The following DNMT1 variants were observed in gnomAD, a reference collection of about 807,000 sequenced individuals.
DNMT1 encodes the protein DNA methyltransferase 1, also known as DNA (cytosine-5)-methyltransferase 1.
In DNMT1, 24 loss-of-function variants were observed where a neutral mutation model predicts 205.3. The observed-to-expected ratio is 0.12, with a 90% CI of 0.08 to 0.16. The LOEUF (loss-of-function observed/expected upper bound fraction) is 0.16. Ranked by LOEUF, DNMT1 falls within the 10% of genes least tolerant of loss-of-function variation. The pLI is 1.00. For synonymous variants in DNMT1, 817 were observed against 839.8 expected (o/e 0.97, Z 0.47); for missense variants, 1,293 against 2,177.7 (o/e 0.59, Z 8.09).
At position 10,168,465 on chromosome 19, in the gene DNMT1, G is replaced by A. The variant is rs187326664; in HGVS notation, c.769-101C>T. 7.0e-5 allele frequency: 86 copies of A among 1,232,912 alleles called. 1 individual carries two copies. The East Asian group carries it at 1.9e-3, about 28-fold the overall frequency. 76.4% of individuals were successfully genotyped at this position (1,232,912 alleles called of 1,614,324 possible). On this transcript the variant is annotated intron_variant, in intron 9 of 40. Transcript: ENST00000359526. ...ATAAAACACCTGAACTGATTCTAGA[G>A]TCCACTGGTGGGAGTAAAGACTGTC... is the stretch of plus-strand genomic sequence containing the variant.
chr19:10,133,672 C>A lies in DNMT1; in HGVS notation c.4894G>T (p.Asp1632Tyr). ...GGGGTGACGGGAGGGCAGAACTAGT[C>A]CTTAGCAGCTTCCTCCTCCTTTATT... ...AKIKEEEAAK[D>Y] Residue 1632 changes from aspartate (D) to tyrosine (Y), a missense_variant, in exon 41 of 41, where the codon GAC becomes TAC. By Grantham distance (160) the Asp-to-Tyr change is radical. This residue lies in a region of DNMT1 where 37 missense variants were observed against 36.3 expected (regional missense o/e 1.02). Coordinates refer to ENST00000359526, the MANE Select transcript of DNMT1 (RefSeq NM_001130823.3). This position sits in a 1 kb window ranked among gnomAD's most constrained non-coding sequence, Gnocchi z 4.1. 1 of 1,599,478 alleles carries A rather than the reference C, an allele frequency of 6.3e-7. No homozygotes were observed. Among genetic ancestry groups the A allele is most frequent in the African/African-American group, 1.3e-5 (1 of 74,666 alleles).
chr19:10,155,142 C>T (rs1322232065), intron 19 of DNMT1, 86 bp from the exon 20 acceptor site: 4 of 1,561,906 alleles, frequency 2.6e-6, no homozygotes, highest in Non-Finnish European at 3.5e-6. Flanking sequence ...GTCTACCAAA[C>T]TCACCCAACA....
At chr19:10,150,964 G>A (rs2038330123) in intron 24 of DNMT1, among the ~76,000 whole-genome samples, 1 of 152,196 alleles carries the variant, frequency 6.6e-6, no homozygotes, top group Non-Finnish European at 1.5e-5. Flanking sequence ...GCATGGTGGT[G>A]CACGCCTGTA....
At position 10,159,190 on chromosome 19, in the gene DNMT1, G is replaced by A. The variant is rs2038516598; in HGVS notation, c.1280+468C>T. On this transcript the variant is annotated intron_variant, in intron 17 of 40. Coordinates refer to ENST00000359526, the MANE Select transcript of DNMT1 (RefSeq NM_001130823.3). This position sits in a 1 kb window ranked among gnomAD's most constrained non-coding sequence, Gnocchi z 5.0. ...AACCCAAAAACCAAACCAAAAATCA[G>A]CAAAGCTCTATTGTCCCTTCATCAG... Among the ~76,000 whole-genome samples, 1 of 152,136 alleles carries A rather than the reference G, an allele frequency of 6.6e-6. No homozygotes were observed. Among genetic ancestry groups the A allele is most frequent in the Non-Finnish European group, 1.5e-5 (1 of 68,028 alleles).
Position 10,154,214 on chromosome 19 carries a change from A to G in DNMT1, c.2019+79T>C. 2.1e-6 allele frequency: 3 copies of G among 1,441,252 alleles called. No individual in the cohort carries two copies. Among genetic ancestry groups the G allele is most frequent in the Non-Finnish European group, 2.9e-6 (3 of 1,025,014 alleles). 89.3% of individuals were successfully genotyped at this position (1,441,252 alleles called of 1,614,324 possible). ...GCAGCCAGAGTCTCAAGCCACAGAG[A>G]GAAAGATGGAGCAGTCCTCAGATCA... On this transcript the variant is annotated intron_variant, in intron 22 of 40. Coordinates refer to ENST00000359526, the MANE Select transcript of DNMT1 (RefSeq NM_001130823.3). This position sits in a 1 kb window ranked among gnomAD's most constrained non-coding sequence, Gnocchi z 6.3.
chr19:10,194,701 A>AC, intron 1 of DNMT1, 119 bp downstream of exon 1: 2 of 1,343,088 alleles, frequency 1.5e-6, no homozygotes, highest in Non-Finnish European at 2.0e-6. Context: ...GCGCCGCACC[A>AC]CCCCACGCAT....
chr19:10,182,529 A>G (rs967842210), intron 1 of DNMT1, among the ~76,000 whole-genome samples: 10 of 146,122 alleles, frequency 6.8e-5, no homozygotes, highest in Admixed American at 3.5e-4. Flanking sequence ...ATATGTGTAT[A>G]TGTGTATATA....
chr19:10,175,398 T>C (rs2038920137), intron 7 of DNMT1, 142 bp downstream of exon 7: 1 of 831,880 alleles, frequency 1.2e-6, no homozygotes, highest in Non-Finnish European at 2.0e-6. Context: ...ACATATACAT[T>C]CTATTGGTCC....
Position 10,137,287 on chromosome 19 carries a change from G to C in DNMT1, c.4294-7C>G. The C allele has an allele frequency of 6.2e-7, 1 of 1,600,878 alleles. No individual in the cohort carries two copies. The highest frequency in any genetic ancestry group is 8.5e-7 in the Non-Finnish European group (1 of 1,175,370). On this transcript the variant is annotated splice_region_variant and splice_polypyrimidine_tract_variant and intron_variant, in intron 36 of 40. Coordinates refer to ENST00000359526, the MANE Select transcript of DNMT1 (RefSeq NM_001130823.3). This position sits in a 1 kb window ranked among gnomAD's most constrained non-coding sequence, Gnocchi z 6.4. ...CCACCAATGCACTCATGTCCTGAAA[G>C]AGTGTGGGGGGCCCAGCTGTCACCT...
chr19:10,135,637 G>A (rs1253237624), intron 39 of DNMT1, 99 bp downstream of exon 39: 6 of 1,286,356 alleles, frequency 4.7e-6, no homozygotes, highest in Non-Finnish European at 5.4e-6. Flanking sequence ...CAGCCAGCAG[G>A]CGTCCTCCCG....
intron 1 of DNMT1, 54 bp downstream of exon 1, chr19:10,194,766 C>T (rs1005534865): frequency 1.9e-6 from 3 of 1,545,678 alleles, no homozygotes; most frequent in Non-Finnish European, 2.6e-6. Flanking sequence ...AGCGACCCCC[C>T]ACCCAGCGCC....
Position 10,180,350 on chromosome 19 carries a change from G to C in DNMT1, c.445C>G (p.Arg149Gly). 6.2e-7 allele frequency: 1 copy of C among 1,611,506 alleles called. No homozygotes were observed. Among genetic ancestry groups the C allele is most frequent in the Non-Finnish European group, 8.5e-7 (1 of 1,179,972 alleles). ...RRSKSDGEAK[R>G]SRDPPASASQ... is the part of the protein sequence containing the mutation. Reference sequence around the variant, plus strand: ...AATAAAAGGAATCATCTGCTCTTACGCTTAGCCTCTCCATCGGACTTGCTC... The same window carrying C: ...AATAAAAGGAATCATCTGCTCTTACCCTTAGCCTCTCCATCGGACTTGCTC... Residue 149 changes from arginine to glycine, a missense_variant and splice_region_variant, in exon 4 of 41, where the codon CGT becomes GGT. This residue lies in a region of DNMT1 where 394 missense variants were observed against 451.6 expected (regional missense o/e 0.87). Transcript: ENST00000359526.
intron 1 of DNMT1, among the ~76,000 whole-genome samples, chr19:10,184,928 T>C (rs2039149606): frequency 1.3e-5 from 2 of 152,220 alleles, no homozygotes; most frequent in Admixed American, 1.3e-4. Context: ...AGAGGGTAAG[T>C]GCAGGCAGCA....
At chr19:10,170,158 G>A (rs962387675) in intron 9 of DNMT1, among the ~76,000 whole-genome samples, 3 of 151,888 alleles carry the variant, frequency 2.0e-5, no homozygotes, top group Non-Finnish European at 2.9e-5. Context: ...GGTGGCGGGC[G>A]CCTATAATCC....
chr19:10,186,809 G>A (rs1345498283), intron 1 of DNMT1, among the ~76,000 whole-genome samples: 1 of 126,782 alleles, frequency 7.9e-6, no homozygotes, highest in African/African-American at 3.2e-5. Flanking sequence ...TTGCACTCCA[G>A]CCTGGACAAC....
At chr19:10,167,407 G>A (rs1009618255) in intron 10 of DNMT1, among the ~76,000 whole-genome samples, 3 of 152,082 alleles carry the variant, frequency 2.0e-5, no homozygotes, top group African/African-American at 7.2e-5. Context: ...ATGTTGGCCA[G>A]GCTGATCTTG....
chr19:10,136,256 C>T lies in DNMT1; in HGVS notation c.4521G>A (p.Gln1507=), dbSNP rs2145253598. Residue 1507 remains glutamine, a synonymous_variant, in exon 38 of 41, where the codon CAG becomes CAA. Coordinates refer to ENST00000359526, the MANE Select transcript of DNMT1 (RefSeq NM_001130823.3). ...GGCACCAGGGGATGAGGGTGTTGAA[C>T]TGCCTGGCTGCGGGGTCGCAGGCTT... ...AGKACDPAAR[Q]FNTLIPWCLP... 4 of 1,614,160 alleles carry T rather than the reference C, an allele frequency of 2.5e-6. No individual in the cohort carries two copies. The highest frequency in any genetic ancestry group is 1.3e-5 in the African/African-American group (1 of 75,064).
Position 10,180,369 on chromosome 19 carries a change from C to T in DNMT1, c.426G>A (p.Lys142=). The change falls in exon 4 of 41, where the codon AAG becomes AAA. Residue 142 remains lysine, a synonymous_variant. Transcript: ENST00000359526. ...LSKPRTPRRS[K]SDGEAKRSRD... ...TCTTACGCTTAGCCTCTCCATCGGA[C>T]TTGCTCCTCCTGGGCGTGCGAGGTT... 6.2e-7 allele frequency: 1 copy of T among 1,613,218 alleles called. No individual in the cohort carries two copies. The highest frequency in any genetic ancestry group is 8.5e-7 in the Non-Finnish European group (1 of 1,180,024).
At chr19:10,174,800 A>G (rs576611556) in intron 7 of DNMT1, among the ~76,000 whole-genome samples, 7 of 151,918 alleles carry the variant, frequency 4.6e-5, no homozygotes, top group African/African-American at 1.7e-4. Context: ...TGGGAGGCTG[A>G]GGCGGGCAGA....
Sources: gnomAD v4.1 joint callset for allele counts (sites outside exome capture counted in the v4.1 genomes callset) on GRCh38, gnomAD v4.1.1 for gene constraint, gnomAD v4.1.1 regional missense constraint, Gnocchi (gnomAD v3.1) non-coding constraint, MANE v1.5 for transcripts, NCBI Gene and HGNC (gene_info 2026-07-23, HGNC 2026-07-21) for gene names.